The following RAD9B variants were observed in gnomAD, a reference collection of about 807,000 sequenced individuals.
The protein encoded by RAD9B is RAD9 checkpoint clamp component B.
A neutral mutation model predicts 48.3 loss-of-function variants in RAD9B; 41 were observed. That is an observed-to-expected ratio of 0.85 (90% CI 0.66 to 1.10). The LOEUF (loss-of-function observed/expected upper bound fraction) is 1.10, where lower values mean the gene tolerates loss of function less well. Among genes scored for constraint, RAD9B ranks in the 50% least tolerant of loss-of-function variants. The pLI is 0.00. For missense variants in RAD9B, 444 were observed against 485.1 expected, an observed-to-expected ratio of 0.92 and a Z score of 0.80; for synonymous variants, 160 against 157.9, an observed-to-expected ratio of 1.01 and a Z score of -0.10.
intron 9 of RAD9B, among the ~76,000 whole-genome samples, chr12:110,520,760 C>T (rs2063762159): frequency 6.7e-6 from 1 of 150,162 alleles, no homozygotes; most frequent in South Asian, 2.1e-4. Context: ...AAGCAATTCT[C>T]CTGCCTCAGC....
At chr12:110,509,027 C>T (rs566502241) in intron 4 of RAD9B, among the ~76,000 whole-genome samples, 4 of 152,048 alleles carry the variant, frequency 2.6e-5, no homozygotes, top group South Asian at 2.1e-4. Context: ...TGCAGTGGTG[C>T]GATCTCAGCT....
chr12:110,509,765 C>T (rs1318126900), intron 4 of RAD9B, among the ~76,000 whole-genome samples: 1 of 152,158 alleles, frequency 6.6e-6, no homozygotes, highest in Non-Finnish European at 1.5e-5. Flanking sequence ...ATTTGTTATA[C>T]AGGTATAAAC....
intron 5 of RAD9B, 22 bp downstream of exon 5, chr12:110,512,900 G>T (rs374878280): frequency 1.5e-5 from 18 of 1,207,900 alleles, no homozygotes; most frequent in African/African-American, 4.5e-5. Flanking sequence ...TCTGTTGTCA[G>T]TTTTTTTCAC....
rs1009152458 is a variant in RAD9B, at chr12:110,510,763, C to T, written c.389-2016C>T. Among the ~76,000 whole-genome samples, 6 of 152,074 alleles carry T rather than the reference C, an allele frequency of 3.9e-5. No homozygotes were observed. In the East Asian group the frequency reaches 5.8e-4, roughly 15 times the overall value. On this transcript the variant is annotated intron_variant, in intron 4 of 10. Coordinates refer to ENST00000409300, the MANE Select transcript of RAD9B (RefSeq NM_001286535.2). ...CTCTAAAAGGACAATAATTCAGCCT[C>T]GGCAACATGGAGAAACCTTGTCTCT...
chr12:110,523,091 CTTAG>C (rs1171169804), intron 10 of RAD9B, among the ~76,000 whole-genome samples: 1 of 152,094 alleles, frequency 6.6e-6, no homozygotes, highest in Non-Finnish European at 1.5e-5. Flanking sequence ...ATATGAGTTT[CTTAG>C]TTAGAATTAG....
chr12:110,508,316 G>A (rs73191828), intron 4 of RAD9B, among the ~76,000 whole-genome samples: 20,651 of 152,136 alleles, frequency 0.14, 2,023 homozygotes, highest in African/African-American at 0.28. Flanking sequence ...ACCTGCCCCA[G>A]GGGGAGTACT....
In RAD9B at chr12:110,531,342, G is replaced by C; in HGVS notation, c.*689G>C. On this transcript the variant is annotated 3_prime_UTR_variant, in exon 11 of 11. Transcript: ENST00000409300. ...CGTGCAGCTGGGATTGCAGGTGCGT[G>C]CCACCATGCCTGGCTAATTTCTGGT... 2.5e-6 allele frequency: 1 copy of C among 405,572 alleles called. No individual in the cohort carries two copies. Among genetic ancestry groups the C allele is most frequent in the South Asian group, 2.5e-5 (1 of 40,066 alleles). 25.1% of individuals were successfully genotyped at this position (405,572 alleles called of 1,614,324 possible).
intron 2 of RAD9B, among the ~76,000 whole-genome samples, chr12:110,504,661 C>T (rs571911382): frequency 6.6e-6 from 1 of 152,086 alleles, no homozygotes; most frequent in South Asian, 2.1e-4. Context: ...TTATATATTG[C>T]AACTCCCTTA....
At position 110,512,845 on chromosome 12, in the gene RAD9B, A is replaced by G. The variant is rs780261368; in HGVS notation, c.455A>G (p.Asn152Ser). The change falls in exon 5 of 11, where the codon AAT (asparagine) becomes AGT (serine). Residue 152 changes from asparagine (N) to serine (S), a missense_variant. By Grantham distance (46) the Asn-to-Ser change is conservative. Transcript: ENST00000409300. ...SQPLQVIFDK[N>S]VCTNTLMIQP... ...CCTTTGCAAGTTATTTTTGACAAGAATGTTTGTACTAATACGCTAATGATT... is the reference window on the plus strand; with the variant it reads ...CCTTTGCAAGTTATTTTTGACAAGAGTGTTTGTACTAATACGCTAATGATT... 1.3e-6 allele frequency: 2 copies of G among 1,554,212 alleles called. No individual in the cohort carries two copies. The highest frequency in any genetic ancestry group is 4.5e-5 in the East Asian group (2 of 44,162).
intron 9 of RAD9B, among the ~76,000 whole-genome samples, chr12:110,520,639 TTTTTTTTGTTGTTTTTTTTTTG>T (rs1247385053): frequency 6.8e-6 from 1 of 147,864 alleles, no homozygotes; most frequent in African/African-American, 2.5e-5. Context: ...TTTTTTTTTT[TTTTTTTTGTTGTTTTTTTTTTG>T]TTTTTTTGAG....
At chr12:110,520,304 C>T (rs2063735245) in intron 9 of RAD9B, among the ~76,000 whole-genome samples, 1 of 152,096 alleles carries the variant, frequency 6.6e-6, no homozygotes. Context: ...ATTTCCCTGG[C>T]TCAAGTGGTC....
At chr12:110,524,202 T>C (rs1396873998) in intron 10 of RAD9B, among the ~76,000 whole-genome samples, 3 of 152,244 alleles carry the variant, frequency 2.0e-5, no homozygotes, top group Non-Finnish European at 2.9e-5. Flanking sequence ...ATAATAATTA[T>C]GCCCACTAAA....
At position 110,530,972 on chromosome 12, in the gene RAD9B, G is replaced by A. The variant is rs2064120760; in HGVS notation, c.*319G>A. The A allele has an allele frequency of 6.7e-6, 7 of 1,041,254 alleles. No individual in the cohort carries two copies. The highest frequency in any genetic ancestry group is 8.1e-6 in the Non-Finnish European group (7 of 866,244). The allele number at this position is 1,041,254 out of a possible 1,614,324, so 64.5% of individuals were successfully genotyped here. A position where few individuals can be genotyped will look rare whatever the true frequency, so the allele number is the denominator to read the frequency against. On this transcript the variant is annotated 3_prime_UTR_variant, in exon 11 of 11. Transcript: ENST00000409300. ...TAACATCTTTGCTAGTTTTATAAAG[G>A]TATTTAAACTTTATTCAACAGCCAT...
chr12:110,518,706 T>C lies in RAD9B; in HGVS notation c.626T>C (p.Phe209Ser), dbSNP rs1222952045. The C allele has an allele frequency of 6.2e-7, 1 of 1,610,228 alleles. No individual in the cohort carries two copies. The highest frequency in any genetic ancestry group is 8.5e-7 in the Non-Finnish European group (1 of 1,177,414). Residue 209 changes from phenylalanine to serine, a missense_variant, in exon 7 of 11, where the codon TTT (phenylalanine) becomes TCT (serine). By Grantham distance (155) the Phe-to-Ser change is radical. Transcript: ENST00000409300. ...DLSNAVHSEM[F>S]VGSDEFDFFQ... ...AGCAATGCTGTACACAGTGAGATGT[T>C]TGTTGGCTCAGATGAGTTTGACTTC... is the stretch of plus-strand genomic sequence containing the variant.
chr12:110,504,248 C>T (rs1370436856), intron 2 of RAD9B, among the ~76,000 whole-genome samples: 1 of 151,534 alleles, frequency 6.6e-6, no homozygotes, highest in Non-Finnish European at 1.5e-5. Flanking sequence ...GTGGGTGGAT[C>T]ACCTGAGGTC....
intron 6 of RAD9B, among the ~76,000 whole-genome samples, chr12:110,517,382 T>C (rs2063631294): frequency 1.3e-5 from 2 of 151,510 alleles, no homozygotes; most frequent in African/African-American, 4.9e-5. Context: ...CCCAGAACTT[T>C]GGGAGGCCGA....
At position 110,531,205 on chromosome 12, in the gene RAD9B, C is replaced by CT; in HGVS notation, c.*558dup. 2.1e-6 allele frequency: 2 copies of CT among 943,564 alleles called. No individual in the cohort carries two copies. The highest frequency in any genetic ancestry group is 2.6e-6 in the Non-Finnish European group (2 of 782,842). 58.4% of individuals were successfully genotyped at this position (943,564 alleles called of 1,614,324 possible). On this transcript the variant is annotated 3_prime_UTR_variant, in exon 11 of 11. Coordinates refer to ENST00000409300, the MANE Select transcript of RAD9B (RefSeq NM_001286535.2). ...AAAATATATAGTCACTTTCACTTGG[C>CT]TTTTTTAGACGGAGTCTCACTTTGT...
In RAD9B at chr12:110,531,395, T is replaced by C. The variant is rs1436951394; in HGVS notation, c.*742T>C. The C allele has an allele frequency of 2.0e-6, 1 of 500,516 alleles. No homozygotes were observed. Among genetic ancestry groups the C allele is most frequent in the African/African-American group, 2.0e-5 (1 of 49,704 alleles). 31.0% of individuals were successfully genotyped at this position (500,516 alleles called of 1,614,324 possible). On this transcript the variant is annotated 3_prime_UTR_variant, in exon 11 of 11. Coordinates refer to ENST00000409300, the MANE Select transcript of RAD9B (RefSeq NM_001286535.2). ...TTTGTAGAGACAGGGTTTCGCCATGTTGGCCAGGGTGGTCTTGAACTCCTG... is the reference window on the plus strand; with the variant it reads ...TTTGTAGAGACAGGGTTTCGCCATGCTGGCCAGGGTGGTCTTGAACTCCTG...
chr12:110,508,752 G>A (rs1422471829), intron 4 of RAD9B, among the ~76,000 whole-genome samples: 1 of 151,804 alleles, frequency 6.6e-6, no homozygotes, highest in African/African-American at 2.4e-5. Context: ...ATGAGCCACC[G>A]CCATGGTTTG....
Sources: gnomAD v4.1 joint callset for allele counts (sites outside exome capture counted in the v4.1 genomes callset) on GRCh38, gnomAD v4.1.1 for gene constraint, MANE v1.5 for transcripts, NCBI Gene and HGNC (gene_info 2026-07-23, HGNC 2026-07-21) for gene names.